SNX8: variants seen among roughly 807,000 people sequenced by gnomAD.
The protein encoded by SNX8 is sorting nexin 8, also known as sorting nexin-8.
SNX8 carries 25 observed loss-of-function variants against 51.6 expected under a neutral mutation model. The ratio of observed to expected loss-of-function variants is 0.48; its 90% confidence interval spans 0.35 to 0.68. The LOEUF (loss-of-function observed/expected upper bound fraction) is 0.68, where lower values mean the gene tolerates loss of function less well. SNX8 is among the 30% of genes least tolerant of loss of function. The pLI, the probability that SNX8 is intolerant of heterozygous loss-of-function variation, is 0.00. For missense variants in SNX8, 695 were observed against 624.0 expected, an observed-to-expected ratio of 1.11 and a Z score of -1.21; for synonymous variants, 324 against 277.0, an observed-to-expected ratio of 1.17 and a Z score of -1.68.
At chr7:2,285,219 A>ATC (rs1795999850) in intron 1 of SNX8, among the ~76,000 whole-genome samples, 1 of 150,784 alleles carries the variant, frequency 6.6e-6, no homozygotes, top group Admixed American at 6.6e-5. Flanking sequence ...CTCAAAAAAA[A>ATC]AAAAAAAAAA....
Position 2,264,334 on chromosome 7 carries a change from T to C in SNX8, c.746A>G (p.Asn249Ser), listed in dbSNP as rs772420138. 1.9e-6 allele frequency: 3 copies of C among 1,612,830 alleles called. No individual in the cohort carries two copies. Among genetic ancestry groups the C allele is most frequent in the South Asian group, 1.1e-5 (1 of 91,080 alleles). The change falls in exon 6 of 11, where the codon AAT (asparagine) becomes AGT (serine). Residue 249 changes from asparagine (N) to serine (S), a missense_variant. Coordinates refer to ENST00000222990, the MANE Select transcript of SNX8 (RefSeq NM_013321.4). Reference protein sequence around the residue: ...AERIASRAIDNAADLLIFGKE... With the variant: ...AERIASRAIDSAADLLIFGKE... ...CCCGAATATGAGAAGATCTGCCGCA[T>C]TGTCGATGGCCCGCGATGCGATCCG... is the stretch of plus-strand genomic sequence containing the variant.
chr7:2,303,874 C>G (rs1796476971), intron 1 of SNX8, among the ~76,000 whole-genome samples: 1 of 152,034 alleles, frequency 6.6e-6, no homozygotes, highest in Non-Finnish European at 1.5e-5. Context: ...ACGTGTTTAT[C>G]TGCCGACCTT....
At chr7:2,347,605 A>G (rs1433306029) in intron 1 of SNX8, among the ~76,000 whole-genome samples, 1 of 145,148 alleles carries the variant, frequency 6.9e-6, no homozygotes, top group African/African-American at 2.5e-5. Flanking sequence ...TTGGGGCCAC[A>G]CTGGATTCTT....
At chr7:2,352,718 C>A (rs1267005584) in intron 1 of SNX8, among the ~76,000 whole-genome samples, 2 of 152,082 alleles carry the variant, frequency 1.3e-5, no homozygotes, top group African/African-American at 2.4e-5. Flanking sequence ...CACCTGTATT[C>A]CCAGCTACTT....
intron 1 of SNX8, among the ~76,000 whole-genome samples, chr7:2,294,289 AAAG>A (rs1796222544): frequency 6.6e-6 from 1 of 151,962 alleles, no homozygotes; most frequent in Non-Finnish European, 1.5e-5. Context: ...ATAAGAAAAA[AAAG>A]AAAAAAAAAA....
intron 1 of SNX8, among the ~76,000 whole-genome samples, chr7:2,325,446 A>G (rs901285400): frequency 2.6e-5 from 4 of 152,204 alleles, no homozygotes; most frequent in Admixed American, 2.0e-4. Flanking sequence ...AACCTAAATC[A>G]TCTGGGAGGA....
intron 1 of SNX8, among the ~76,000 whole-genome samples, chr7:2,304,053 G>A (rs1343003489): frequency 4.0e-5 from 6 of 150,568 alleles, no homozygotes; most frequent in African/African-American, 1.5e-4. Context: ...TGTAGTCCCA[G>A]CTACTCGGGA....
upstream of SNX8, among the ~76,000 whole-genome samples, chr7:2,317,943 G>A (rs1796782130): frequency 6.6e-6 from 1 of 152,184 alleles, no homozygotes; most frequent in Non-Finnish European, 1.5e-5. Context: ...TCTGATAGCT[G>A]CTTCCTTCCT....
chr7:2,265,311 G>C (rs950829602), intron 5 of SNX8, among the ~76,000 whole-genome samples: 1 of 152,210 alleles, frequency 6.6e-6, no homozygotes, highest in African/African-American at 2.4e-5. Flanking sequence ...CTGCACCCCA[G>C]CCTGGGCAAC....
intron 2 of SNX8, among the ~76,000 whole-genome samples, chr7:2,277,529 G>A (rs1033279120): frequency 5.9e-5 from 9 of 152,146 alleles, no homozygotes; most frequent in South Asian, 2.1e-4. Flanking sequence ...GGCCGGGCGC[G>A]GTGGCTCACG....
At chr7:2,295,296 C>T (rs1212445133) in intron 1 of SNX8, among the ~76,000 whole-genome samples, 1 of 146,976 alleles carries the variant, frequency 6.8e-6, no homozygotes, top group African/African-American at 2.5e-5. Context: ...CCCAGCTACT[C>T]GGGAGTCTGA....
chr7:2,353,238 G>A (rs1167066376), intron 1 of SNX8, among the ~76,000 whole-genome samples: 2 of 151,942 alleles, frequency 1.3e-5, no homozygotes, highest in Admixed American at 6.6e-5. Context: ...AAATGGCTAG[G>A]CCCTGCGCGG....
chr7:2,300,480 T>C (rs1384763556), intron 1 of SNX8, among the ~76,000 whole-genome samples: 1 of 152,136 alleles, frequency 6.6e-6, no homozygotes. Context: ...TGGCACGATC[T>C]TAGCTCACTG....
At chr7:2,350,524 C>A (rs975542569) in intron 1 of SNX8, among the ~76,000 whole-genome samples, 1 of 152,208 alleles carries the variant, frequency 6.6e-6, no homozygotes, top group Non-Finnish European at 1.5e-5. Flanking sequence ...TACCCCTGGG[C>A]CGAGCGCGGT....
chr7:2,270,840 C>G (rs1455174102), intron 4 of SNX8, among the ~76,000 whole-genome samples: 1 of 152,084 alleles, frequency 6.6e-6, no homozygotes, highest in African/African-American at 2.4e-5. Flanking sequence ...GGGACAAGGA[C>G]AGAGGCCGTC....
At chr7:2,283,372 A>G (rs1009171334) in intron 1 of SNX8, among the ~76,000 whole-genome samples, 1 of 152,086 alleles carries the variant, frequency 6.6e-6, no homozygotes, top group Non-Finnish European at 1.5e-5. Context: ...GTGGGGCTAC[A>G]CTGAGCACTC....
chr7:2,271,297 C>T (rs1168808495), intron 4 of SNX8, among the ~76,000 whole-genome samples: 1 of 152,250 alleles, frequency 6.6e-6, no homozygotes, highest in Non-Finnish European at 1.5e-5. Context: ...CAGCCTCGGC[C>T]TCTCCGAGCG....
chr7:2,333,540 T>C (rs879838142), intron 1 of SNX8, among the ~76,000 whole-genome samples: 1 of 152,046 alleles, frequency 6.6e-6, no homozygotes, highest in Non-Finnish European at 1.5e-5. Flanking sequence ...CCAGCCTGAG[T>C]GGCAGAGTGA....
intron 3 of SNX8, 57 bp downstream of exon 3, chr7:2,275,055 G>C: frequency 4.2e-6 from 5 of 1,187,182 alleles, no homozygotes; most frequent in Non-Finnish European, 6.3e-6. Flanking sequence ...AGGACCACAG[G>C]GTCCAGGAGA....
Sources: allele counts gnomAD v4.1 joint callset (sites outside exome capture counted in the v4.1 genomes callset), GRCh38; gene constraint gnomAD v4.1.1; transcripts MANE v1.5; gene names NCBI Gene and HGNC (gene_info 2026-07-23, HGNC 2026-07-21).